The following FER variants were observed in gnomAD, a reference collection of about 807,000 sequenced individuals.
FER encodes FER tyrosine kinase, also known as tyrosine-protein kinase Fer.
FER carries 63 observed loss-of-function variants against 111.0 expected under a neutral mutation model. The observed-to-expected ratio is 0.57, with a 90% CI of 0.46 to 0.70. FER has a LOEUF of 0.70. Ranked by LOEUF, FER falls within the 30% of genes least tolerant of loss-of-function variation. FER has a pLI of 0.00. For synonymous variants in FER, 327 were observed against 313.9 expected, an observed-to-expected ratio of 1.04 and a Z score of -0.44; for missense variants, 914 against 954.0, an observed-to-expected ratio of 0.96 and a Z score of 0.55.
intron 13 of FER, among the ~76,000 whole-genome samples, chr5:109,001,114 C>T (rs1764708927): frequency 6.6e-6 from 1 of 151,874 alleles, no homozygotes; most frequent in Non-Finnish European, 1.5e-5. Context: ...AAACTAGAAT[C>T]CTCCCTAACT....
chr5:109,154,889 G>A (rs554644791), intron 17 of FER, among the ~76,000 whole-genome samples: 1 of 151,904 alleles, frequency 6.6e-6, no homozygotes, highest in East Asian at 1.9e-4. Flanking sequence ...ACATCTCAGT[G>A]GCTTCGTGTA....
At chr5:109,030,153 T>G (rs992221125) in intron 13 of FER, among the ~76,000 whole-genome samples, 2 of 152,232 alleles carry the variant, frequency 1.3e-5, no homozygotes, top group Admixed American at 1.3e-4. Context: ...AGTTATATAC[T>G]TTTTATTTGG....
intron 4 of FER, among the ~76,000 whole-genome samples, chr5:108,834,644 G>T (rs958235973): frequency 7.3e-5 from 11 of 149,824 alleles, no homozygotes; most frequent in African/African-American, 2.7e-4. Context: ...GCTGCAGTAA[G>T]CCTAGATCAT....
chr5:109,155,356 G>A lies in FER; in HGVS notation c.2049-25391G>A, dbSNP rs185045761. Among the ~76,000 whole-genome samples, 267 of 152,006 alleles carry A rather than the reference G, an allele frequency of 1.8e-3. 1 individual carries two copies. The Middle Eastern group carries it at 0.024, about 14-fold the overall frequency. On this transcript the variant is annotated intron_variant, in intron 17 of 19. Coordinates refer to ENST00000281092, the MANE Select transcript of FER (RefSeq NM_005246.4). The stretch of plus-strand genomic sequence containing the variant: ...GTTAAAAAAGTAAGATGAACATTTT[G>A]GGGGTTAGTGTTCAAACTAGGAAGA...
chr5:109,098,530 G>A (rs951800264), intron 16 of FER, among the ~76,000 whole-genome samples: 10 of 151,692 alleles, frequency 6.6e-5, no homozygotes, highest in African/African-American at 2.2e-4. Flanking sequence ...AAGGGTACAC[G>A]TTTTCTAAAG....
chr5:108,881,673 T>C (rs565438537), intron 8 of FER, among the ~76,000 whole-genome samples: 193 of 152,296 alleles, frequency 1.3e-3, no homozygotes, highest in Non-Finnish European at 2.5e-3. Flanking sequence ...TCTCTTTTCC[T>C]GACTTGTAGA....
At chr5:108,894,407 G>T in intron 9 of FER, 1 of 787,226 alleles carries the variant, frequency 1.3e-6, no homozygotes. Flanking sequence ...TGTGGACCTC[G>T]TCTGCTGGCA....
chr5:108,811,003 C>T (rs1441287059), intron 3 of FER, among the ~76,000 whole-genome samples: 1 of 152,032 alleles, frequency 6.6e-6, no homozygotes, highest in Non-Finnish European at 1.5e-5. Flanking sequence ...GTGGGTGTGT[C>T]AGCCTGCTTC....
intron 17 of FER, among the ~76,000 whole-genome samples, chr5:109,119,621 CTAT>C (rs1253286401): frequency 6.6e-6 from 1 of 151,992 alleles, no homozygotes; most frequent in Non-Finnish European, 1.5e-5. Flanking sequence ...TTAAAGTCTC[CTAT>C]TATTATTGTG....
intron 2 of FER, among the ~76,000 whole-genome samples, chr5:108,793,156 C>T (rs28862652): frequency 0.24 from 35,800 of 152,062 alleles, 4,463 homozygotes; most frequent in African/African-American, 0.31. Context: ...CCAACTTTCC[C>T]CCTGCTTCCC....
At chr5:108,960,043 T>C (rs990720619) in intron 13 of FER, among the ~76,000 whole-genome samples, 3 of 152,060 alleles carry the variant, frequency 2.0e-5, no homozygotes, top group African/African-American at 7.2e-5. Flanking sequence ...AGGAGTTGGG[T>C]TGGTATTGGC....
At chr5:109,038,005 A>T (rs1282712875) in intron 14 of FER, among the ~76,000 whole-genome samples, 1 of 151,880 alleles carries the variant, frequency 6.6e-6, no homozygotes, top group Non-Finnish European at 1.5e-5. Context: ...TTTTATAACT[A>T]GTTCTATTAA....
At chr5:109,114,306 A>T (rs766640028) in intron 17 of FER, among the ~76,000 whole-genome samples, 7 of 152,132 alleles carry the variant, frequency 4.6e-5, no homozygotes, top group Non-Finnish European at 1.0e-4. Flanking sequence ...TTCATTTATC[A>T]CTTTTGAATT....
chr5:108,900,294 G>A (rs1236064845), intron 10 of FER, among the ~76,000 whole-genome samples: 1 of 152,132 alleles, frequency 6.6e-6, no homozygotes, highest in Non-Finnish European at 1.5e-5. Flanking sequence ...ATCTACATGT[G>A]TCAGTGAAAT....
intron 10 of FER, chr5:108,924,719 C>T: frequency 8.1e-7 from 1 of 1,232,042 alleles, no homozygotes; most frequent in Non-Finnish European, 1.0e-6. Context: ...GGTTTCGGCT[C>T]CCAATCCTGT....
At chr5:108,767,990 T>G (rs1267187262) in intron 1 of FER, 103 bp from the exon 2 acceptor site, 1 of 152,254 alleles carries the variant, frequency 6.6e-6, no homozygotes, top group Non-Finnish European at 1.5e-5. Flanking sequence ...TGTCATAAGC[T>G]GTCACAGTTA....
intron 17 of FER, among the ~76,000 whole-genome samples, chr5:109,152,962 A>G (rs573195496): frequency 2.6e-4 from 39 of 152,104 alleles, no homozygotes; most frequent in African/African-American, 8.4e-4. Flanking sequence ...TTAACAAAAC[A>G]TAGATTAGAA....
chr5:108,860,156 T>A (rs1330776892), intron 5 of FER, among the ~76,000 whole-genome samples: 1 of 152,064 alleles, frequency 6.6e-6, no homozygotes, highest in Non-Finnish European at 1.5e-5. Flanking sequence ...TTGGCCAGGC[T>A]GGTCTCAAAC....
chr5:109,079,639 A>G (rs1260184384), intron 16 of FER, among the ~76,000 whole-genome samples: 1 of 152,140 alleles, frequency 6.6e-6, no homozygotes, highest in Non-Finnish European at 1.5e-5. Flanking sequence ...AACACATGTC[A>G]GTGTAGATGC....
Sources: gnomAD v4.1 joint callset for allele counts (sites outside exome capture counted in the v4.1 genomes callset) on GRCh38, gnomAD v4.1.1 for gene constraint, MANE v1.5 for transcripts, NCBI Gene and HGNC (gene_info 2026-07-23, HGNC 2026-07-21) for gene names.